The following PXDNL variants were observed in gnomAD, a reference collection of about 807,000 sequenced individuals.
PXDNL encodes the protein probable oxidoreductase PXDNL.
PXDNL carries 145 observed loss-of-function variants against 150.8 expected under a neutral mutation model. The ratio of observed to expected loss-of-function variants is 0.96; its 90% CI spans 0.84 to 1.10. The LOEUF (loss-of-function observed/expected upper bound fraction) is 1.10, where lower values mean the gene tolerates loss of function less well. Among genes scored for constraint, PXDNL ranks in the 50% least tolerant of loss-of-function variants. The pLI, the probability that PXDNL is intolerant of heterozygous loss-of-function variation, is 0.00. For missense variants in PXDNL, 2,087 were observed against 1,873.9 expected (o/e 1.11, Z -2.10); for synonymous variants, 757 against 725.7 (o/e 1.04, Z -0.69).
chr8:51,652,152 A>G (rs1815053676), intron 2 of PXDNL, among the ~76,000 whole-genome samples: 1 of 152,092 alleles, frequency 6.6e-6, no homozygotes, highest in Non-Finnish European at 1.5e-5. Context: ...CAGATGCTTG[A>G]TTTCATTTTG....
intron 3 of PXDNL, among the ~76,000 whole-genome samples, chr8:51,586,467 T>G (rs1392186078): frequency 6.6e-6 from 1 of 152,158 alleles, no homozygotes; most frequent in Non-Finnish European, 1.5e-5. Flanking sequence ...CAGCAAAAGC[T>G]GAGAGAGTGG....
In PXDNL at chr8:51,411,418, C is replaced by T; in HGVS notation, c.1905-11G>A. 1 of 1,564,648 alleles carries T rather than the reference C, an allele frequency of 6.4e-7. No individual in the cohort carries two copies. Among genetic ancestry groups the T allele is most frequent in the Non-Finnish European group, 8.6e-7 (1 of 1,162,186 alleles). ...GAGGTGTGAGGTTTTCTGCAAATGA[C>T]AAAACACATGATTCTTTACAAGGCA... On this transcript the variant is annotated splice_polypyrimidine_tract_variant and intron_variant, in intron 15 of 22. Coordinates refer to ENST00000356297, the MANE Select transcript of PXDNL (RefSeq NM_144651.5).
At chr8:51,429,551 C>G (rs2129786746) in intron 12 of PXDNL, among the ~76,000 whole-genome samples, 1 of 152,152 alleles carries the variant, frequency 6.6e-6, no homozygotes, top group Middle Eastern at 3.4e-3. Flanking sequence ...GCCTGGGCGA[C>G]AGAGTGAGAC....
At chr8:51,355,955 A>G (rs1401888023) in intron 19 of PXDNL, among the ~76,000 whole-genome samples, 2 of 152,240 alleles carry the variant, frequency 1.3e-5, no homozygotes, top group Non-Finnish European at 2.9e-5. Context: ...AGAGATTTGG[A>G]GAAAATTACA....
chr8:51,491,499 C>A (rs758753398), intron 5 of PXDNL, among the ~76,000 whole-genome samples: 1 of 152,110 alleles, frequency 6.6e-6, no homozygotes, highest in Non-Finnish European at 1.5e-5. Context: ...AGGAAAGAAA[C>A]CAGAAGCTAA....
Position 51,562,054 on chromosome 8 carries a change from T to TATTTCAA in PXDNL, c.309-5144_309-5143insTTGAAAT, listed in dbSNP as rs1812730463. Reference sequence around the variant, plus strand: ...TTCTTTTTCATATTTCAATATTTTCTAAGATGATTATATATTGATATATTG... The same window carrying TATTTCAA: ...TTCTTTTTCATATTTCAATATTTTCTATTTCAAAAGATGATTATATATTGATATATTG... On this transcript the variant is annotated intron_variant, in intron 3 of 22. Transcript: ENST00000356297. Among the ~76,000 whole-genome samples the TATTTCAA allele has an allele frequency of 7.2e-5, 11 of 151,790 alleles. 1 individual carries two copies. The highest frequency in any genetic ancestry group is 7.2e-4 in the Admixed American group (11 of 15,208).
intron 2 of PXDNL, among the ~76,000 whole-genome samples, chr8:51,649,432 T>C (rs927135118): frequency 5.1e-4 from 78 of 152,334 alleles, no homozygotes; most frequent in Non-Finnish European, 1.5e-4. Context: ...GAATCTTTTA[T>C]TCTTTTGGAA....
intron 3 of PXDNL, among the ~76,000 whole-genome samples, chr8:51,570,427 ATTTG>A: frequency 6.6e-6 from 1 of 151,752 alleles, no homozygotes; most frequent in East Asian, 1.9e-4. Context: ...TTGTGTTTTT[ATTTG>A]TTTGTTTTGG....
intron 3 of PXDNL, among the ~76,000 whole-genome samples, chr8:51,567,923 GA>G (rs1346483508): frequency 2.0e-5 from 3 of 151,694 alleles, no homozygotes; most frequent in African/African-American, 2.4e-5. Flanking sequence ...ATAATATCAA[GA>G]AAAAAGTCCC....
intron 1 of PXDNL, among the ~76,000 whole-genome samples, chr8:51,699,034 G>A (rs1340618803): frequency 6.6e-6 from 1 of 152,132 alleles, no homozygotes; most frequent in African/African-American, 2.4e-5. Flanking sequence ...TCCACTTCTA[G>A]AGCACAGGCA....
intron 1 of PXDNL, among the ~76,000 whole-genome samples, chr8:51,740,414 T>C (rs1443962091): frequency 6.6e-6 from 1 of 152,226 alleles, no homozygotes; most frequent in Admixed American, 6.5e-5. Context: ...CATGCTGTCT[T>C]CCACAATGGT....
chr8:51,421,281 T>C (rs972850785), intron 14 of PXDNL, among the ~76,000 whole-genome samples: 1 of 152,234 alleles, frequency 6.6e-6, no homozygotes, highest in African/African-American at 2.4e-5. Context: ...ACAGGTCTCA[T>C]AAATAGTTGA....
intron 1 of PXDNL, among the ~76,000 whole-genome samples, chr8:51,786,807 C>T (rs1265410308): frequency 6.6e-6 from 1 of 152,172 alleles, no homozygotes; most frequent in African/African-American, 2.4e-5. Context: ...AAACAGCCTG[C>T]TATTGGAAAA....
chr8:51,347,653 G>A (rs1225171869), intron 19 of PXDNL, among the ~76,000 whole-genome samples: 4 of 152,060 alleles, frequency 2.6e-5, no homozygotes. Flanking sequence ...ACCATAATTG[G>A]ATAAAAAATT....
intron 21 of PXDNL, among the ~76,000 whole-genome samples, chr8:51,336,556 C>G (rs1805834708): frequency 6.6e-6 from 1 of 152,282 alleles, no homozygotes; most frequent in East Asian, 1.9e-4. Context: ...CTTCGTCATC[C>G]CCATCTACCT....
intron 2 of PXDNL, among the ~76,000 whole-genome samples, chr8:51,649,931 A>C (rs1814999051): frequency 6.6e-6 from 1 of 151,684 alleles, no homozygotes; most frequent in African/African-American, 2.4e-5. Context: ...GTAAAACCTC[A>C]TCTCTACTAA....
At chr8:51,742,627 G>T (rs1437251257) in intron 1 of PXDNL, among the ~76,000 whole-genome samples, 1 of 150,976 alleles carries the variant, frequency 6.6e-6, no homozygotes, top group Non-Finnish European at 1.5e-5. Flanking sequence ...TGAAGAAAAT[G>T]TTTATATATA....
At chr8:51,701,384 T>C (rs1227269237) in intron 1 of PXDNL, among the ~76,000 whole-genome samples, 5 of 152,320 alleles carry the variant, frequency 3.3e-5, no homozygotes, top group Admixed American at 6.5e-5. Flanking sequence ...TTTTGAATAA[T>C]TTGCAGTGAC....
intron 12 of PXDNL, among the ~76,000 whole-genome samples, chr8:51,445,083 C>T (rs1809644899): frequency 6.6e-6 from 1 of 152,020 alleles, no homozygotes; most frequent in African/African-American, 2.4e-5. Context: ...CCATGCCTGG[C>T]TAATTTTTGT....
Sources: gnomAD v4.1 joint callset for allele counts (sites outside exome capture counted in the v4.1 genomes callset) on GRCh38, gnomAD v4.1.1 for gene constraint, MANE v1.5 for transcripts, NCBI Gene and HGNC (gene_info 2026-07-23, HGNC 2026-07-21) for gene names.